KDM4C: variants seen among roughly 807,000 people sequenced by gnomAD.
KDM4C encodes the protein lysine demethylase 4C.
A neutral mutation model predicts 129.3 loss-of-function variants in KDM4C; 81 were observed. The observed-to-expected ratio is 0.63, with a 90% CI of 0.52 to 0.75. The LOEUF (loss-of-function observed/expected upper bound fraction) is 0.75. Among genes scored for constraint, KDM4C ranks in the 30% least tolerant of loss-of-function variants. KDM4C has a pLI of 0.00. For missense variants in KDM4C, 1,457 were observed against 1,304.0 expected (o/e 1.12, Z -1.81); for synonymous variants, 573 against 456.1 (o/e 1.26, Z -3.26).
At chr9:6,813,106 C>T (rs1156752070) in intron 3 of KDM4C, among the ~76,000 whole-genome samples, 1 of 151,878 alleles carries the variant, frequency 6.6e-6, no homozygotes, top group African/African-American at 2.4e-5. Flanking sequence ...ACCTGGGAGG[C>T]GGAGGTTTCA....
intron 6 of KDM4C, among the ~76,000 whole-genome samples, chr9:6,880,855 T>A (rs1208073946): frequency 2.6e-5 from 4 of 151,952 alleles, no homozygotes; most frequent in Non-Finnish European, 5.9e-5. Context: ...GGAAGCAGAG[T>A]CACATTCACC....
At chr9:6,764,112 G>T (rs1432046856) in intron 1 of KDM4C, among the ~76,000 whole-genome samples, 2 of 152,112 alleles carry the variant, frequency 1.3e-5, no homozygotes, top group Admixed American at 6.6e-5. Context: ...ATGAGATTTT[G>T]TTATAGTTTC....
chr9:6,784,898 C>A (rs2130798996), intron 1 of KDM4C, among the ~76,000 whole-genome samples: 1 of 152,314 alleles, frequency 6.6e-6, no homozygotes, highest in African/African-American at 2.4e-5. Flanking sequence ...GTGGAGGTGG[C>A]CTGCGACTTC....
intron 5 of KDM4C, among the ~76,000 whole-genome samples, chr9:6,865,817 C>A (rs1286266038): frequency 6.6e-6 from 1 of 151,994 alleles, no homozygotes; most frequent in East Asian, 1.9e-4. Context: ...GTGGCGCAAT[C>A]TCTGCTCACT....
intron 15 of KDM4C, among the ~76,000 whole-genome samples, chr9:7,043,961 A>C (rs1410507434): frequency 6.6e-6 from 1 of 152,038 alleles, no homozygotes; most frequent in Non-Finnish European, 1.5e-5. Context: ...TTATTTATTT[A>C]ACAAACTCAT....
intron 21 of KDM4C, chr9:7,170,899 A>G (rs1004424294): frequency 1.7e-5 from 4 of 230,336 alleles, no homozygotes; most frequent in Non-Finnish European, 2.8e-5. Flanking sequence ...AACTACACTA[A>G]CAATAGCTGA....
In KDM4C at chr9:6,774,220, C is replaced by T. The variant is rs532887923; in HGVS notation, c.-18+16017C>T. On this transcript the variant is annotated intron_variant, in intron 1 of 21. Transcript: ENST00000381309. ...ACATTGAAATTAATGTAACAAAATA[C>T]AATGAAAAAACAGTCTACAGTCCTC... Among the ~76,000 whole-genome samples, 325 of 152,042 alleles carry T rather than the reference C, an allele frequency of 2.1e-3. 1 individual carries two copies. Among genetic ancestry groups the T allele is most frequent in the Non-Finnish European group, 3.2e-3 (218 of 67,982 alleles).
intron 2 of KDM4C, among the ~76,000 whole-genome samples, chr9:6,797,820 CA>C (rs1210182302): frequency 2.0e-5 from 3 of 152,196 alleles, no homozygotes; most frequent in Non-Finnish European, 4.4e-5. Context: ...TGCAAATGCA[CA>C]TTTTAGCAGA....
chr9:6,775,002 A>T (rs765528650), intron 1 of KDM4C, among the ~76,000 whole-genome samples: 18 of 152,038 alleles, frequency 1.2e-4, no homozygotes, highest in Non-Finnish European at 1.6e-4. Flanking sequence ...GCTTTCTGAG[A>T]TTCATCCATA....
At chr9:6,986,736 G>A in intron 11 of KDM4C, 70 bp downstream of exon 11, 1 of 1,130,910 alleles carries the variant, frequency 8.8e-7, no homozygotes, top group Non-Finnish European at 1.3e-6. Context: ...ACAACATGCT[G>A]TGCACTGAAA....
At chr9:6,884,022 C>G (rs368167729) in intron 6 of KDM4C, among the ~76,000 whole-genome samples, 2 of 152,094 alleles carry the variant, frequency 1.3e-5, no homozygotes, top group East Asian at 3.8e-4. Context: ...AAAAAACTTG[C>G]CCATTACACA....
intron 8 of KDM4C, among the ~76,000 whole-genome samples, chr9:6,938,131 T>C (rs1339798755): frequency 6.6e-6 from 1 of 152,148 alleles, no homozygotes; most frequent in East Asian, 1.9e-4. Flanking sequence ...CAAGGTATGC[T>C]CCAGATCACC....
intron 8 of KDM4C, among the ~76,000 whole-genome samples, chr9:6,942,899 C>T (rs1329574346): frequency 6.6e-6 from 1 of 152,116 alleles, no homozygotes; most frequent in Admixed American, 6.5e-5. Flanking sequence ...GACGGCTTTA[C>T]TCTGTCACCT....
intron 1 of KDM4C, among the ~76,000 whole-genome samples, chr9:6,738,734 C>T (rs977363216): frequency 6.6e-6 from 1 of 151,988 alleles, no homozygotes; most frequent in African/African-American, 2.4e-5. Context: ...GGCATGCCAC[C>T]ACGCCCAACT....
chr9:6,773,084 C>T (rs754842409), intron 1 of KDM4C, among the ~76,000 whole-genome samples: 44 of 151,918 alleles, frequency 2.9e-4, no homozygotes, highest in Non-Finnish European at 5.3e-4. Flanking sequence ...ACTGCAGCCT[C>T]GACCTCCCAG....
intron 8 of KDM4C, among the ~76,000 whole-genome samples, chr9:6,930,134 C>G (rs1399844096): frequency 6.6e-6 from 1 of 152,144 alleles, no homozygotes; most frequent in Admixed American, 6.6e-5. Context: ...GCCTAAGATT[C>G]CCTGCAGAAA....
chr9:6,805,493 T>A, intron 2 of KDM4C, 106 bp from the exon 3 acceptor site: 1 of 660,896 alleles, frequency 1.5e-6, no homozygotes. Flanking sequence ...ACATTTGTCA[T>A]AGAGATACTG....
intron 17 of KDM4C, among the ~76,000 whole-genome samples, chr9:7,083,329 A>G (rs1276633736): frequency 1.3e-5 from 2 of 152,236 alleles, no homozygotes; most frequent in Non-Finnish European, 2.9e-5. Flanking sequence ...CAAAAATTTC[A>G]AACTTTGGAA....
At chr9:6,740,822 A>G (rs373328454) in intron 1 of KDM4C, among the ~76,000 whole-genome samples, 2,280 of 113,214 alleles carry the variant, frequency 0.02, 60 homozygotes, top group African/African-American at 0.08. Context: ...TCCAGCCAGT[A>G]GTATAATTAT....
Sources: gnomAD v4.1 joint callset for allele counts (sites outside exome capture counted in the v4.1 genomes callset) on GRCh38, gnomAD v4.1.1 for gene constraint, MANE v1.5 for transcripts, NCBI Gene and HGNC (gene_info 2026-07-23, HGNC 2026-07-21) for gene names.